ZRANB3: variants seen among roughly 807,000 people sequenced by gnomAD.
The protein encoded by ZRANB3 is zinc finger RANBP2-type containing 3.
Under a neutral mutation model 133.8 loss-of-function variants are expected in ZRANB3, and 125 were observed. That is an observed-to-expected ratio of 0.93 (90% CI 0.81 to 1.08). The LOEUF (loss-of-function observed/expected upper bound fraction) is 1.08. ZRANB3 is among the 50% of genes least tolerant of loss of function. The probability of loss-of-function intolerance (pLI) is 0.00; values close to 1 mark genes in which losing one functional copy is unlikely to be tolerated. For synonymous variants in ZRANB3, 387 were observed against 432.7 expected, an observed-to-expected ratio of 0.89 and a Z score of 1.31; for missense variants, 1,229 against 1,275.5, an observed-to-expected ratio of 0.96 and a Z score of 0.56.
chr2:135,238,218 A>G (rs186519353), intron 12 of ZRANB3, among the ~76,000 whole-genome samples: 1 of 152,278 alleles, frequency 6.6e-6, no homozygotes, highest in East Asian at 1.9e-4. Flanking sequence ...GTGTGGCTGA[A>G]TATATTTTCA....
At chr2:135,288,296 G>A (rs578183745) in intron 8 of ZRANB3, among the ~76,000 whole-genome samples, 2 of 152,204 alleles carry the variant, frequency 1.3e-5, no homozygotes, top group Admixed American at 6.5e-5. Context: ...CTTGATCATG[G>A]TGGATTATCT....
chr2:135,418,949 T>A (rs890963956), intron 2 of ZRANB3, among the ~76,000 whole-genome samples: 1 of 117,736 alleles, frequency 8.5e-6, no homozygotes, highest in African/African-American at 4.2e-5. Flanking sequence ...TTTTTTTTTT[T>A]TTTTTTGAGA....
At chr2:135,330,049 T>C (rs1272055977) in intron 6 of ZRANB3, among the ~76,000 whole-genome samples, 1 of 152,192 alleles carries the variant, frequency 6.6e-6, no homozygotes. Context: ...CCTTTATTTC[T>C]TTCTCTTGCC....
intron 2 of ZRANB3, among the ~76,000 whole-genome samples, chr2:135,395,439 T>C (rs1687445587): frequency 7.5e-6 from 1 of 133,840 alleles, no homozygotes; most frequent in Admixed American, 7.3e-5. Context: ...TGGGCAAAGA[T>C]TTCTTTTTTT....
chr2:135,450,599 C>G (rs13408700), intron 2 of ZRANB3, among the ~76,000 whole-genome samples: 4,825 of 152,064 alleles, frequency 0.032, 245 homozygotes, highest in African/African-American at 0.11. Context: ...GAGTAACAGA[C>G]TGGATTTAAC....
At chr2:135,264,632 A>T (rs1261095346) in intron 12 of ZRANB3, among the ~76,000 whole-genome samples, 2 of 152,112 alleles carry the variant, frequency 1.3e-5, no homozygotes, top group Non-Finnish European at 2.9e-5. Flanking sequence ...ACTAATAAAT[A>T]GTAAAGGGGA....
intron 13 of ZRANB3, among the ~76,000 whole-genome samples, chr2:135,228,819 T>C (rs1694867221): frequency 2.0e-5 from 3 of 152,156 alleles, no homozygotes; most frequent in Admixed American, 2.0e-4. Flanking sequence ...CACTGTTACT[T>C]AGACTATGTA....
At chr2:135,471,076 C>T (rs1410993402) in intron 2 of ZRANB3, among the ~76,000 whole-genome samples, 1 of 150,646 alleles carries the variant, frequency 6.6e-6, no homozygotes, top group Non-Finnish European at 1.5e-5. Flanking sequence ...GCTGGGATTA[C>T]AGGGTTGAGC....
intron 8 of ZRANB3, among the ~76,000 whole-genome samples, chr2:135,285,778 T>C (rs1287574582): frequency 6.6e-6 from 1 of 152,242 alleles, no homozygotes. Context: ...TTGATGTGCC[T>C]GTTGTAATGT....
chr2:135,370,987 C>T (rs964645557), intron 3 of ZRANB3, among the ~76,000 whole-genome samples: 1 of 152,294 alleles, frequency 6.6e-6, no homozygotes, highest in Non-Finnish European at 1.5e-5. Flanking sequence ...GTGCCTTCTG[C>T]CATAACCTTA....
chr2:135,436,179 C>G (rs759487732), intron 2 of ZRANB3, among the ~76,000 whole-genome samples: 7 of 152,108 alleles, frequency 4.6e-5, no homozygotes, highest in Non-Finnish European at 8.8e-5. Context: ...AGGAACAGGT[C>G]CAGTTTCAAT....
chr2:135,485,144 CAAACAAAACA>C (rs377465491), intron 2 of ZRANB3, among the ~76,000 whole-genome samples: 19,361 of 148,696 alleles, frequency 0.13, 2,231 homozygotes, highest in African/African-American at 0.31. Context: ...CAAAACAAAA[CAAACAAAACA>C]AAACAAAACA....
chr2:135,523,535 GAAAC>G (rs1405436251), intron 1 of ZRANB3, among the ~76,000 whole-genome samples: 2 of 152,110 alleles, frequency 1.3e-5, no homozygotes, highest in Non-Finnish European at 2.9e-5. Context: ...CTGATTAACG[GAAAC>G]AATATTAATA....
At chr2:135,382,381 A>C (rs1188609867) in intron 3 of ZRANB3, among the ~76,000 whole-genome samples, 1 of 152,230 alleles carries the variant, frequency 6.6e-6, no homozygotes, top group Non-Finnish European at 1.5e-5. Flanking sequence ...TGTACCTGAA[A>C]GTGACGGGGC....
intron 8 of ZRANB3, 135 bp downstream of exon 8, chr2:135,313,353 CA>C (rs368770114): frequency 0.23 from 79,948 of 348,246 alleles, 26 homozygotes; most frequent in Middle Eastern, 0.27. Context: ...GCTCCCAACT[CA>C]AAAAAAAAAA....
At chr2:135,277,196 A>G (rs1680867286) in intron 8 of ZRANB3, among the ~76,000 whole-genome samples, 1 of 150,896 alleles carries the variant, frequency 6.6e-6, no homozygotes, top group African/African-American at 2.5e-5. Flanking sequence ...TATGTCCTTC[A>G]GGCAAGAGAG....
At chr2:135,443,474 T>C (rs1338244524) in intron 2 of ZRANB3, among the ~76,000 whole-genome samples, 1 of 151,904 alleles carries the variant, frequency 6.6e-6, no homozygotes, top group Non-Finnish European at 1.5e-5. Flanking sequence ...ATGGCACATA[T>C]ATACCTATGT....
intron 6 of ZRANB3, among the ~76,000 whole-genome samples, chr2:135,321,374 G>A (rs1251509022): frequency 1.3e-5 from 2 of 151,884 alleles, no homozygotes; most frequent in African/African-American, 4.8e-5. Flanking sequence ...ATTTTTTCAT[G>A]TGCTTATTTG....
rs1002510790 is a variant in ZRANB3 at position 135,217,559 on chromosome 2, T to G, written c.2401A>C (p.Arg801=). 2.5e-6 allele frequency: 4 copies of G among 1,613,786 alleles called. No homozygotes were observed. Among genetic ancestry groups the G allele is most frequent in the Admixed American group, 3.3e-5 (2 of 60,008 alleles). ...EWSSLTAMKQ[R]IIRKSGQLFC... ...AGCTGTCCACTTTTCCTGATTATCC[T>G]TTGCTTCATGGCAGTTAGACTACTC... Residue 801 remains arginine (R), a synonymous_variant, in exon 17 of 21, where the codon AGG becomes CGG. Coordinates refer to ENST00000264159, the MANE Select transcript of ZRANB3 (RefSeq NM_032143.4).
Sources: allele counts gnomAD v4.1 joint callset (sites outside exome capture counted in the v4.1 genomes callset), GRCh38; gene constraint gnomAD v4.1.1; transcripts MANE v1.5; gene names NCBI Gene and HGNC (gene_info 2026-07-23, HGNC 2026-07-21).